The following SEC24B variants were observed in gnomAD, a reference collection of about 807,000 sequenced individuals.
SEC24B encodes SEC24 homolog B, COPII component, also known as protein transport protein Sec24B.
Under a neutral mutation model 142.8 loss-of-function variants are expected in SEC24B, and 45 were observed. That is an observed-to-expected ratio of 0.32 (90% CI 0.25 to 0.40). SEC24B has a LOEUF of 0.40. Ranked by LOEUF, SEC24B falls within the 10% of genes least tolerant of loss-of-function variation. The pLI, the probability that SEC24B is intolerant of heterozygous loss-of-function variation, is 1.00. For missense variants in SEC24B, 1,409 were observed against 1,526.8 expected, an observed-to-expected ratio of 0.92 and a Z score of 1.29; for synonymous variants, 574 against 568.2, an observed-to-expected ratio of 1.01 and a Z score of -0.15.
chr4:109,533,573 T>C lies in SEC24B; in HGVS notation c.3496-20T>C. 14 of 1,479,582 alleles carry C rather than the reference T, an allele frequency of 9.5e-6. No individual in the cohort carries two copies. Among genetic ancestry groups the C allele is most frequent in the Non-Finnish European group, 1.3e-5 (14 of 1,059,918 alleles). The allele number at this position is 1,479,582 out of a possible 1,614,324, so 91.7% of individuals were successfully genotyped here. A position where few individuals can be genotyped will look rare whatever the true frequency, so the allele number is the denominator to read the frequency against. ...TTAACTATTAGGGAGTTTTAATATT[T>C]TGTTGCTTTTTCTTTTTAGGTTTTT... On this transcript the variant is annotated intron_variant, in intron 21 of 23. Coordinates refer to ENST00000265175, the MANE Select transcript of SEC24B (RefSeq NM_006323.5).
At chr4:109,473,318 T>C (rs1732733717) in intron 3 of SEC24B, 132 bp downstream of exon 3, 1 of 536,464 alleles carries the variant, frequency 1.9e-6, no homozygotes, top group Non-Finnish European at 3.1e-6. Flanking sequence ...GTCTCATATA[T>C]GTTTTACATA....
At chr4:109,473,412 G>A in intron 3 of SEC24B, among the ~76,000 whole-genome samples, 1 of 151,716 alleles carries the variant, frequency 6.6e-6, no homozygotes, top group African/African-American at 2.4e-5. Context: ...TCTTTTTATG[G>A]CTAATTATTC....
At chr4:109,436,700 G>C (rs1455031148) in intron 1 of SEC24B, among the ~76,000 whole-genome samples, 2 of 152,212 alleles carry the variant, frequency 1.3e-5, no homozygotes, top group Non-Finnish European at 2.9e-5. Context: ...GAAAGACCAA[G>C]TAATTAGAGA....
chr4:109,467,250 C>T (rs1225082230), intron 2 of SEC24B, among the ~76,000 whole-genome samples: 7 of 145,024 alleles, frequency 4.8e-5, no homozygotes, highest in South Asian at 2.3e-4. Flanking sequence ...GGCGTGAACC[C>T]GGGAGGCGGA....
chr4:109,468,008 G>T (rs905403350), intron 2 of SEC24B, among the ~76,000 whole-genome samples: 14 of 152,212 alleles, frequency 9.2e-5, no homozygotes, highest in Non-Finnish European at 2.1e-4. Flanking sequence ...TATAGTCACT[G>T]ATAAGTTAAT....
chr4:109,480,158 G>A (rs1315505243), intron 3 of SEC24B, among the ~76,000 whole-genome samples: 1 of 151,816 alleles, frequency 6.6e-6, no homozygotes, highest in East Asian at 1.9e-4. Flanking sequence ...AAAGATCAAA[G>A]CTTCATTCAT....
At chr4:109,465,777 G>C (rs1465538152) in intron 2 of SEC24B, among the ~76,000 whole-genome samples, 1 of 152,144 alleles carries the variant, frequency 6.6e-6, no homozygotes, top group Non-Finnish European at 1.5e-5. Context: ...ATTAAGAAAA[G>C]ATTAAATAAA....
At chr4:109,467,371 T>A (rs1188399781) in intron 2 of SEC24B, among the ~76,000 whole-genome samples, 1 of 151,918 alleles carries the variant, frequency 6.6e-6, no homozygotes, top group Non-Finnish European at 1.5e-5. Flanking sequence ...ATGTATGTTT[T>A]GAGTGTTACA....
chr4:109,438,846 A>G (rs1412175900), intron 1 of SEC24B, among the ~76,000 whole-genome samples: 1 of 152,122 alleles, frequency 6.6e-6, no homozygotes, highest in Non-Finnish European at 1.5e-5. Context: ...ATTGAGCAAT[A>G]TATGGATTTT....
chr4:109,449,507 C>T (rs1363563013), intron 1 of SEC24B: 1 of 454,828 alleles, frequency 2.2e-6, no homozygotes, highest in Non-Finnish European at 4.4e-6. Context: ...GCTGGGAGTA[C>T]AGGTGTGTGC....
intron 2 of SEC24B, among the ~76,000 whole-genome samples, chr4:109,469,878 T>G (rs1037439792): frequency 2.0e-5 from 3 of 151,996 alleles, no homozygotes; most frequent in African/African-American, 7.3e-5. Flanking sequence ...TGGGAAAAAA[T>G]GTATATGCTT....
intron 11 of SEC24B, among the ~76,000 whole-genome samples, chr4:109,519,802 G>T (rs1723409014): frequency 2.0e-5 from 3 of 152,164 alleles, no homozygotes; most frequent in Admixed American, 2.0e-4. Flanking sequence ...TTGGCATCCT[G>T]TAGTATCCAA....
In SEC24B at chr4:109,447,430, G is replaced by T. The variant is rs142961291; in HGVS notation, c.133+13428G>T. The stretch of plus-strand genomic sequence containing the variant: ...TTAAAGTAAAACTGTCTTCTGCCCT[G>T]ATGAACCTCTTTTAGGGCCTCTTGA... On this transcript the variant is annotated intron_variant, in intron 1 of 23. Coordinates refer to ENST00000265175, the MANE Select transcript of SEC24B (RefSeq NM_006323.5). 2.9e-3 allele frequency among the ~76,000 whole-genome samples: 443 copies of T among 152,252 alleles called. 1 individual carries two copies. Among genetic ancestry groups the T allele is most frequent in the African/African-American group, 0.01 (420 of 41,534 alleles).
intron 3 of SEC24B, among the ~76,000 whole-genome samples, chr4:109,476,688 A>G (rs1733183533): frequency 8.0e-6 from 1 of 125,678 alleles, no homozygotes; most frequent in South Asian, 2.1e-4. Context: ...AGTTGTTAAC[A>G]TTATTATTTC....
chr4:109,509,028 A>G (rs1332801439), intron 7 of SEC24B, among the ~76,000 whole-genome samples: 5 of 152,194 alleles, frequency 3.3e-5, no homozygotes, highest in African/African-American at 4.8e-5. Flanking sequence ...AGAAAAATAA[A>G]TCAGAATAAG....
intron 14 of SEC24B, among the ~76,000 whole-genome samples, chr4:109,522,549 C>T (rs1723758484): frequency 6.6e-6 from 1 of 152,164 alleles, no homozygotes; most frequent in Non-Finnish European, 1.5e-5. Flanking sequence ...GTGTTCTTTT[C>T]TATTACGTAA....
chr4:109,539,557 C>A lies in SEC24B; in HGVS notation c.3693-4C>A. ...TTAGACAAATGCCCTTTTCTTTCTT[C>A]CAGAGATGAGAGTCCTGCCAAAGCA... On this transcript the variant is annotated splice_polypyrimidine_tract_variant and splice_region_variant and intron_variant, in intron 23 of 23. Transcript: ENST00000265175. 1 of 1,590,818 alleles carries A rather than the reference C, an allele frequency of 6.3e-7. No homozygotes were observed. Among genetic ancestry groups the A allele is most frequent in the Non-Finnish European group, 8.6e-7 (1 of 1,159,396 alleles).
chr4:109,534,027 T>C (rs899751708), intron 22 of SEC24B, among the ~76,000 whole-genome samples: 1 of 152,054 alleles, frequency 6.6e-6, no homozygotes, highest in Non-Finnish European at 1.5e-5. Flanking sequence ...TCATTGATGT[T>C]GTAGCTTATA....
At chr4:109,480,210 A>C (rs1733594200) in intron 3 of SEC24B, among the ~76,000 whole-genome samples, 4 of 151,916 alleles carry the variant, frequency 2.6e-5, no homozygotes, top group Non-Finnish European at 5.9e-5. Context: ...TTTTATTCTT[A>C]ATAGTTTTTT....
Sources: gnomAD v4.1 joint callset for allele counts (sites outside exome capture counted in the v4.1 genomes callset) on GRCh38, gnomAD v4.1.1 for gene constraint, MANE v1.5 for transcripts, NCBI Gene and HGNC (gene_info 2026-07-23, HGNC 2026-07-21) for gene names.